The following HSD17B12 variants were observed in gnomAD, a reference collection of about 807,000 sequenced individuals.
HSD17B12 encodes the protein very-long-chain 3-oxoacyl-CoA reductase.
Under a neutral mutation model 39.3 loss-of-function variants are expected in HSD17B12, and 32 were observed. That is an observed-to-expected ratio of 0.81 (90% CI 0.61 to 1.09). The LOEUF (loss-of-function observed/expected upper bound fraction) is 1.09. HSD17B12 is among the 50% of genes least tolerant of loss of function. HSD17B12 has a pLI of 0.00. For missense variants in HSD17B12, 342 were observed against 382.9 expected (o/e 0.89, Z 0.89); for synonymous variants, 150 against 146.7 (o/e 1.02, Z -0.16).
the HSD17B12 span, among the ~76,000 whole-genome samples, chr11:43,625,049 T>C: frequency 2.0e-5 from 3 of 151,764 alleles, no homozygotes; most frequent in African/African-American, 7.2e-5. Flanking sequence ...AATGTTCAAG[T>C]ACAGACAAAA....
At chr11:43,738,748 C>T (rs1851112479) in intron 1 of HSD17B12, among the ~76,000 whole-genome samples, 1 of 152,050 alleles carries the variant, frequency 6.6e-6, no homozygotes, top group African/African-American at 2.4e-5. Context: ...CCAGACAGAC[C>T]CTGCTCTTAC....
At chr11:43,801,466 A>C (rs903218574) in intron 4 of HSD17B12, among the ~76,000 whole-genome samples, 1 of 152,124 alleles carries the variant, frequency 6.6e-6, no homozygotes, top group Non-Finnish European at 1.5e-5. Flanking sequence ...GAACATCTGC[A>C]TTAACACTGC....
chr11:43,570,855 T>TA, the HSD17B12 span, among the ~76,000 whole-genome samples: 2 of 152,200 alleles, frequency 1.3e-5, no homozygotes, highest in Non-Finnish European at 2.9e-5. Context: ...TGATGGAAGA[T>TA]ACCAGGTTTT....
At chr11:43,793,047 G>A (rs558905157) in intron 3 of HSD17B12, among the ~76,000 whole-genome samples, 2 of 152,206 alleles carry the variant, frequency 1.3e-5, no homozygotes, top group Admixed American at 6.5e-5. Flanking sequence ...ATACAAATAT[G>A]ACAAATAATG....
At chr11:43,787,740 A>AG (rs1215445777) in intron 3 of HSD17B12, among the ~76,000 whole-genome samples, 9 of 149,458 alleles carry the variant, frequency 6.0e-5, no homozygotes, top group African/African-American at 2.2e-4. Context: ...CCGTCTCGGA[A>AG]AAAAAAAAAA....
chr11:43,663,463 C>T, the HSD17B12 span, among the ~76,000 whole-genome samples: 1 of 152,068 alleles, frequency 6.6e-6, no homozygotes, highest in African/African-American at 2.4e-5. Flanking sequence ...AACTCCTAGC[C>T]TCAAGCAGTC....
At chr11:43,746,318 A>C (rs1950412433) in intron 1 of HSD17B12, among the ~76,000 whole-genome samples, 1 of 152,252 alleles carries the variant, frequency 6.6e-6, no homozygotes, top group South Asian at 2.1e-4. Flanking sequence ...ATACTGTACA[A>C]AAATATCTTC....
rs192366076 is a variant in HSD17B12 at position 43,817,793 on chromosome 11, C to T, written c.501+1402C>T. Among the ~76,000 whole-genome samples, 108 of 151,672 alleles carry T rather than the reference C, an allele frequency of 7.1e-4. No individual in the cohort carries two copies. The South Asian group carries it at 0.01, about 15-fold the overall frequency. On this transcript the variant is annotated intron_variant, in intron 6 of 10. Transcript: ENST00000278353. ...GGTACTGTGATGCCTCCAGATTTGTCCTTTTTGCTTAGTCTTTTTTTTTGG... is the reference window on the plus strand; with the variant it reads ...GGTACTGTGATGCCTCCAGATTTGTTCTTTTTGCTTAGTCTTTTTTTTTGG...
chr11:43,735,520 T>A (rs563504912), intron 1 of HSD17B12, among the ~76,000 whole-genome samples: 1 of 152,372 alleles, frequency 6.6e-6, no homozygotes, highest in South Asian at 2.1e-4. Context: ...TTTTTTCTTA[T>A]GCCTGTTGGC....
intron 8 of HSD17B12, 110 bp downstream of exon 8, chr11:43,838,508 C>T: frequency 6.2e-6 from 5 of 812,022 alleles, no homozygotes; most frequent in Non-Finnish European, 8.3e-6. Flanking sequence ...GGCAGTTTTC[C>T]AGTAGACTGA....
rs1565114775 is a variant in HSD17B12 at position 43,855,236 on chromosome 11, C to T, written c.927C>T (p.Thr309=). ...CACGGGCTCACTATCTGAAGAAAAC[C>T]AAGAAGAACTAAGCATTGATAACTG... ...KSTRAHYLKK[T]KKN The change falls in exon 11 of 11, where the codon ACC becomes ACT. Residue 309 remains threonine (T), a synonymous_variant. Coordinates refer to ENST00000278353, the MANE Select transcript of HSD17B12 (RefSeq NM_016142.3). 6.2e-7 allele frequency: 1 copy of T among 1,600,892 alleles called. No homozygotes were observed. Among genetic ancestry groups the T allele is most frequent in the African/African-American group, 1.3e-5 (1 of 74,534 alleles).
intron 1 of HSD17B12, among the ~76,000 whole-genome samples, chr11:43,737,053 C>A (rs924942787): frequency 6.6e-6 from 1 of 152,100 alleles, no homozygotes; most frequent in East Asian, 1.9e-4. Context: ...TCATGGTTTG[C>A]GGCAGTATTA....
chr11:43,679,426 A>G (rs374839326), upstream of HSD17B12, among the ~76,000 whole-genome samples: 272 of 152,344 alleles, frequency 1.8e-3, 1 homozygote, highest in African/African-American at 6.3e-3. Context: ...TGCAGATGAC[A>G]TAATTGTATA....
chr11:43,580,256 C>T, the HSD17B12 span, among the ~76,000 whole-genome samples: 1 of 151,956 alleles, frequency 6.6e-6, no homozygotes, highest in African/African-American at 2.4e-5. Flanking sequence ...CTAGTCTTCC[C>T]TCCCCTCCTT....
intron 4 of HSD17B12, among the ~76,000 whole-genome samples, chr11:43,799,408 C>T (rs1950944905): frequency 1.3e-5 from 2 of 152,050 alleles, no homozygotes; most frequent in African/African-American, 4.8e-5. Flanking sequence ...CCTTTTGTTA[C>T]ATCTCAGCTA....
chr11:43,833,435 G>A (rs528656070), intron 7 of HSD17B12: 4 of 152,254 alleles, frequency 2.6e-5, no homozygotes, highest in African/African-American at 7.2e-5. Flanking sequence ...GCTGACAGAT[G>A]AAAGACAAGA....
At chr11:43,681,670 AT>A (rs67174721) in intron 1 of HSD17B12, among the ~76,000 whole-genome samples, 57,670 of 147,254 alleles carry the variant, frequency 0.39, 11,673 homozygotes, top group East Asian at 0.71. Context: ...TTAAAATCAG[AT>A]TTTTTTTTTT....
chr11:43,716,115 C>A (rs72908876), intron 1 of HSD17B12, among the ~76,000 whole-genome samples: 262 of 152,256 alleles, frequency 1.7e-3, no homozygotes, highest in Non-Finnish European at 2.8e-3. Context: ...TTTAAAAAAT[C>A]CTCTGACTTT....
In HSD17B12 at chr11:43,854,873, A is replaced by T. The variant is rs771805739; in HGVS notation, c.834+9A>T. 1.9e-6 allele frequency: 3 copies of T among 1,612,576 alleles called. No homozygotes were observed. The highest frequency in any genetic ancestry group is 2.2e-5 in the South Asian group (2 of 90,876). Reference sequence around the variant, plus strand: ...TGATCCATGCTCTTATGGTAGGTAGATTTTTTGAATCACAAATCAATACTT... The same window carrying T: ...TGATCCATGCTCTTATGGTAGGTAGTTTTTTTGAATCACAAATCAATACTT... On this transcript the variant is annotated intron_variant, in intron 10 of 10. Transcript: ENST00000278353.
Sources: allele counts gnomAD v4.1 joint callset (sites outside exome capture counted in the v4.1 genomes callset), GRCh38; gene constraint gnomAD v4.1.1; transcripts MANE v1.5; gene names NCBI Gene and HGNC (gene_info 2026-07-23, HGNC 2026-07-21).